The following SCN7A variants were observed in gnomAD, a reference collection of about 807,000 sequenced individuals.
The protein encoded by SCN7A is sodium voltage-gated channel alpha subunit 7.
A neutral mutation model predicts 155.2 loss-of-function variants in SCN7A; 138 were observed. The ratio of observed to expected loss-of-function variants is 0.89; its 90% CI spans 0.77 to 1.02. SCN7A has a LOEUF of 1.02. SCN7A is among the 50% of genes least tolerant of loss of function. The probability of loss-of-function intolerance (pLI) is 0.00; values close to 1 mark genes in which losing one functional copy is unlikely to be tolerated. For missense variants in SCN7A, 2,058 were observed against 1,986.6 expected (o/e 1.04, Z -0.68); for synonymous variants, 693 against 649.0 (o/e 1.07, Z -1.03).
intron 21 of SCN7A, among the ~76,000 whole-genome samples, chr2:166,414,057 T>A (rs1701270820): frequency 1.2e-5 from 1 of 84,232 alleles, no homozygotes; most frequent in South Asian, 3.2e-4. Flanking sequence ...TGTAAATATA[T>A]AAAAATATAT....
chr2:166,409,473 T>C (rs1353253965), intron 25 of SCN7A, among the ~76,000 whole-genome samples, 192 bp downstream of exon 25: 1 of 151,922 alleles, frequency 6.6e-6, no homozygotes, highest in Non-Finnish European at 1.5e-5. Flanking sequence ...CTATTAGGCA[T>C]GGGTGGTACA....
intron 17 of SCN7A, among the ~76,000 whole-genome samples, chr2:166,428,732 A>G (rs1172075218): frequency 2.0e-5 from 3 of 152,060 alleles, no homozygotes; most frequent in Admixed American, 2.0e-4. Context: ...TCCAAAACAC[A>G]TTTTTCATGC....
chr2:166,405,889 A>T lies in SCN7A; in HGVS notation c.4740T>A (p.Ala1580=). The change falls in exon 26 of 26, where the codon GCT becomes GCA. Residue 1580 remains alanine (A), a synonymous_variant. Transcript: ENST00000643258. ...CTTGACCCATAACTCTCTTTGTAAA[A>T]GCAAGTAAGATATCGAGGCAATGAA... ...DRIHCLDILL[A]FTKRVMGQDV... is the part of the protein sequence containing the mutation. 6.2e-7 allele frequency: 1 copy of T among 1,613,162 alleles called. No homozygotes were observed. Among genetic ancestry groups the T allele is most frequent in the Non-Finnish European group, 8.5e-7 (1 of 1,179,390 alleles).
At chr2:166,464,800 C>A (rs971226541) in intron 9 of SCN7A, among the ~76,000 whole-genome samples, 8 of 152,098 alleles carry the variant, frequency 5.3e-5, no homozygotes, top group African/African-American at 1.9e-4. Flanking sequence ...TGTCTTTCTT[C>A]GTCATTCTCA....
chr2:166,457,037 C>CA lies in SCN7A; in HGVS notation c.1122dup (p.Val375CysfsTer24), dbSNP rs757535277. The CA allele has an allele frequency of 4.3e-6, 7 of 1,610,028 alleles. No individual in the cohort carries two copies. The highest frequency in any genetic ancestry group is 5.9e-6 in the Non-Finnish European group (7 of 1,178,542). ...AAGGAAAACAAAAAACTTACCACCA[C>CA]AAAAAATATCATGTAGACCTTCCCA... On this transcript the variant is annotated frameshift_variant, in exon 11 of 26. Transcript: ENST00000643258. LOFTEE classifies it high-confidence loss of function.
intron 5 of SCN7A, among the ~76,000 whole-genome samples, 195 bp from the exon 6 acceptor site, chr2:166,472,640 C>T (rs772044020): frequency 5.9e-5 from 9 of 151,826 alleles, no homozygotes; most frequent in Non-Finnish European, 1.3e-4. Flanking sequence ...GCTCCTTGAG[C>T]CCTAGCTCAA....
intron 1 of SCN7A, among the ~76,000 whole-genome samples, chr2:166,489,383 G>T (rs1006431299): frequency 6.6e-6 from 1 of 152,150 alleles, no homozygotes; most frequent in Non-Finnish European, 1.5e-5. Flanking sequence ...AGAGGATTCT[G>T]TTGCTTTCCA....
chr2:166,405,777 T>A lies in SCN7A; in HGVS notation c.4852A>T (p.Thr1618Ser), dbSNP rs1182808824. ...GCCTCTTGTTTTCGTTTCAAAGTAG[T>A]CGTAATTGGCTCACATGTGATCTTA... ...PFKITCEPIT[T>S]TLKRKQEAVS... The change falls in exon 26 of 26, where the codon ACT (threonine) becomes TCT (serine). Residue 1618 changes from threonine (T) to serine (S), a missense_variant. Coordinates refer to ENST00000643258, the MANE Select transcript of SCN7A (RefSeq NM_002976.4). 16 of 1,612,864 alleles carry A rather than the reference T, an allele frequency of 9.9e-6. No homozygotes were observed. In the South Asian group the frequency reaches 1.3e-4, roughly 13 times the overall value.
chr2:166,465,852 C>G lies in SCN7A; in HGVS notation c.800G>C (p.Cys267Ser). 6.2e-7 allele frequency: 1 copy of G among 1,613,804 alleles called. No individual in the cohort carries two copies. The highest frequency in any genetic ancestry group is 8.5e-7 in the Non-Finnish European group (1 of 1,179,836). Reference protein sequence around the residue: ...GLFMGNLKHKCFRWPQENENE... With the variant: ...GLFMGNLKHKSFRWPQENENE... ...TTCATTCTCTTGGGGCCATCGAAAA[C>G]ATTTATGTTTCAAGTTGCCCATGAA... Residue 267 changes from cysteine to serine, a missense_variant, in exon 8 of 26, where the codon TGT becomes TCT. Coordinates refer to ENST00000643258, the MANE Select transcript of SCN7A (RefSeq NM_002976.4).
At chr2:166,430,937 T>C (rs987727697) in intron 16 of SCN7A, among the ~76,000 whole-genome samples, 26 of 151,990 alleles carry the variant, frequency 1.7e-4, no homozygotes, top group Non-Finnish European at 3.1e-4. Flanking sequence ...ACTAAATATA[T>C]AAATAAATGA....
In SCN7A at chr2:166,462,445, A is replaced by T. The variant is rs1702435923; in HGVS notation, c.1027T>A (p.Leu343Ile). The T allele has an allele frequency of 6.2e-7, 1 of 1,611,890 alleles. No individual in the cohort carries two copies. ...FTNFDSFGWA[L>I]FALFRLMAQD... ...GCCATTAACCGAAATAGGGCAAATA[A>T]GGCCCAGCCAAAACTGTCAAAATTT... The change falls in exon 10 of 26, where the codon TTA becomes ATA. Residue 343 changes from leucine (L) to isoleucine (I), a missense_variant. By Grantham distance (5) the Leu-to-Ile change is conservative. Coordinates refer to ENST00000643258, the MANE Select transcript of SCN7A (RefSeq NM_002976.4).
intron 15 of SCN7A, among the ~76,000 whole-genome samples, chr2:166,435,784 TTC>T (rs1440903998): frequency 6.6e-6 from 1 of 152,162 alleles, no homozygotes; most frequent in Non-Finnish European, 1.5e-5. Flanking sequence ...GTATTAAGTT[TTC>T]TCTTTCTTTT....
intron 23 of SCN7A, among the ~76,000 whole-genome samples, chr2:166,411,043 C>T (rs1366022037): frequency 3.3e-5 from 5 of 151,946 alleles, no homozygotes; most frequent in Non-Finnish European, 7.4e-5. Context: ...TCGTAGAAAG[C>T]TGAAGCATCC....
intron 20 of SCN7A, among the ~76,000 whole-genome samples, chr2:166,418,441 T>G (rs2105384206): frequency 6.6e-6 from 1 of 151,708 alleles, no homozygotes; most frequent in East Asian, 1.9e-4. Context: ...CTCTCTTAAT[T>G]TTATACTTTT....
chr2:166,410,310 A>G lies in SCN7A; in HGVS notation c.3621T>C (p.Asn1207=). ...NKHKIKLGGS[N]IFITVKQRKQ... Reference sequence around the variant, plus strand: ...TTCTCTGTTTAACCGTTATAAAGATATTTGAGCCTCCCAGGTAAAGAAAGG... The same window carrying G: ...TTCTCTGTTTAACCGTTATAAAGATGTTTGAGCCTCCCAGGTAAAGAAAGG... Residue 1207 remains asparagine, a synonymous_variant, in exon 24 of 26, where the codon AAT becomes AAC. Coordinates refer to ENST00000643258, the MANE Select transcript of SCN7A (RefSeq NM_002976.4). 1 of 1,543,356 alleles carries G rather than the reference A, an allele frequency of 6.5e-7. No homozygotes were observed. Among genetic ancestry groups the G allele is most frequent in the Non-Finnish European group, 8.7e-7 (1 of 1,143,800 alleles).
chr2:166,406,687 A>C (rs1302168969), intron 25 of SCN7A, 41 bp from the exon 26 acceptor site: 2 of 1,305,572 alleles, frequency 1.5e-6, no homozygotes, highest in South Asian at 2.8e-5. Flanking sequence ...CATTATTCAA[A>C]CACAATAGTA....
intron 20 of SCN7A, 111 bp from the exon 21 acceptor site, chr2:166,417,096 TA>T (rs1701395650): frequency 2.5e-6 from 2 of 806,456 alleles, no homozygotes; most frequent in Admixed American, 6.3e-5. Flanking sequence ...AAAAAAACCT[TA>T]AAAGGCCATA....
intron 17 of SCN7A, among the ~76,000 whole-genome samples, chr2:166,428,371 T>C (rs976067658): frequency 1.3e-5 from 2 of 152,058 alleles, no homozygotes; most frequent in African/African-American, 4.8e-5. Context: ...TAAATACTTA[T>C]GAGATGTTAA....
At chr2:166,460,660 G>A (rs2105473612) in intron 10 of SCN7A, among the ~76,000 whole-genome samples, 1 of 152,260 alleles carries the variant, frequency 6.6e-6, no homozygotes, top group East Asian at 1.9e-4. Flanking sequence ...ACTGAAGGCA[G>A]ATAGGAGGAA....
Sources: gnomAD v4.1 joint callset for allele counts (sites outside exome capture counted in the v4.1 genomes callset) on GRCh38, gnomAD v4.1.1 for gene constraint, MANE v1.5 for transcripts, NCBI Gene and HGNC (gene_info 2026-07-23, HGNC 2026-07-21) for gene names.